Variants in SLC41A2 observed in about 807,000 individuals in gnomAD.
The protein encoded by SLC41A2 is SLC41A1-like 1.
SLC41A2 carries 32 observed loss-of-function variants against 58.3 expected under a neutral mutation model. That is an observed-to-expected ratio of 0.55 (90% CI 0.41 to 0.74). SLC41A2 has a LOEUF of 0.74. Among genes scored for constraint, SLC41A2 ranks in the 30% least tolerant of loss-of-function variants. The pLI is 0.00. For missense variants in SLC41A2, 514 were observed against 680.6 expected, an observed-to-expected ratio of 0.76 and a Z score of 2.72; for synonymous variants, 190 against 235.0, an observed-to-expected ratio of 0.81 and a Z score of 1.75.
intron 2 of SLC41A2, among the ~76,000 whole-genome samples, chr12:104,924,479 T>C (rs1470280364): frequency 2.0e-5 from 3 of 152,160 alleles, no homozygotes; most frequent in Non-Finnish European, 4.4e-5. Context: ...GTGTGGTGGC[T>C]CACGCCTGTA....
chr12:104,820,258 T>C (rs1161826482), intron 10 of SLC41A2, among the ~76,000 whole-genome samples: 2 of 152,144 alleles, frequency 1.3e-5, no homozygotes, highest in Non-Finnish European at 2.9e-5. Context: ...TTGAAACCAG[T>C]AGTTTGAGAC....
intron 8 of SLC41A2, among the ~76,000 whole-genome samples, chr12:104,847,473 C>T (rs146064483): frequency 0.013 from 1,911 of 151,738 alleles, 51 homozygotes; most frequent in African/African-American, 0.044. Flanking sequence ...GGTGTGGTGG[C>T]GCGTGCCTGT....
chr12:104,855,123 T>C (rs986287928), intron 8 of SLC41A2, among the ~76,000 whole-genome samples: 10 of 152,202 alleles, frequency 6.6e-5, no homozygotes, highest in Non-Finnish European at 1.3e-4. Flanking sequence ...GACTTCTAAG[T>C]GTCATTCTAA....
chr12:104,926,208 A>G (rs1222536751), intron 2 of SLC41A2, among the ~76,000 whole-genome samples: 4 of 152,236 alleles, frequency 2.6e-5, no homozygotes, highest in Non-Finnish European at 5.9e-5. Flanking sequence ...TATGACTGAT[A>G]AACAAAAACT....
intron 8 of SLC41A2, among the ~76,000 whole-genome samples, chr12:104,855,557 T>C (rs1344544031): frequency 3.3e-5 from 5 of 152,240 alleles, no homozygotes; most frequent in Non-Finnish European, 5.9e-5. Context: ...GACATGTAAT[T>C]AATCCATTTT....
chr12:104,954,272 A>G (rs568933384), intron 1 of SLC41A2, among the ~76,000 whole-genome samples: 35 of 152,350 alleles, frequency 2.3e-4, no homozygotes, highest in African/African-American at 8.4e-4. Context: ...ATTAAAATAG[A>G]ATAACTGACA....
intron 1 of SLC41A2, among the ~76,000 whole-genome samples, chr12:104,943,152 AG>A (rs1369122651): frequency 1.3e-5 from 2 of 152,238 alleles, no homozygotes; most frequent in Non-Finnish European, 2.9e-5. Context: ...AAAGTTTAAA[AG>A]GAAAAAAAGC....
intron 8 of SLC41A2, among the ~76,000 whole-genome samples, chr12:104,859,742 A>AT (rs945207324): frequency 4.6e-5 from 7 of 151,634 alleles, no homozygotes; most frequent in Non-Finnish European, 1.0e-4. Flanking sequence ...ACATATATAC[A>AT]TTTTTTTTGA....
intron 5 of SLC41A2, among the ~76,000 whole-genome samples, chr12:104,887,299 T>C (rs2044718509): frequency 6.6e-6 from 1 of 151,944 alleles, no homozygotes. Flanking sequence ...AAAATGACTC[T>C]AAATGTTTTT....
intron 10 of SLC41A2, among the ~76,000 whole-genome samples, chr12:104,843,061 A>G (rs1251634324): frequency 2.0e-5 from 3 of 152,108 alleles, no homozygotes; most frequent in Non-Finnish European, 4.4e-5. Flanking sequence ...CAATAAAAGT[A>G]GCAATTTGCT....
chr12:104,900,477 C>T (rs2045505223), intron 3 of SLC41A2, among the ~76,000 whole-genome samples: 1 of 152,124 alleles, frequency 6.6e-6, no homozygotes, highest in Non-Finnish European at 1.5e-5. Flanking sequence ...TATTATATAT[C>T]TAAACTCAGC....
intron 4 of SLC41A2, among the ~76,000 whole-genome samples, chr12:104,891,250 G>T (rs2044950465): frequency 6.6e-6 from 1 of 152,018 alleles, no homozygotes; most frequent in Admixed American, 6.6e-5. Flanking sequence ...CACAGGCTTT[G>T]GGCTATGGCA....
chr12:104,940,707 C>T (rs1281090451), intron 1 of SLC41A2, among the ~76,000 whole-genome samples: 2 of 151,368 alleles, frequency 1.3e-5, no homozygotes, highest in East Asian at 1.9e-4. Flanking sequence ...CACCTGAGGT[C>T]AGGAGTTTGA....
At chr12:104,850,281 C>A (rs962725564) in intron 8 of SLC41A2, among the ~76,000 whole-genome samples, 14 of 152,086 alleles carry the variant, frequency 9.2e-5, no homozygotes, top group African/African-American at 2.9e-4. Flanking sequence ...ATTATTAATT[C>A]TTTGCTTAAT....
chr12:104,942,894 CT>C (rs1195018882), intron 1 of SLC41A2, among the ~76,000 whole-genome samples: 1 of 152,106 alleles, frequency 6.6e-6, no homozygotes, highest in East Asian at 1.9e-4. Flanking sequence ...TCTGAAATAG[CT>C]AAATTTAGAA....
intron 2 of SLC41A2, among the ~76,000 whole-genome samples, chr12:104,910,869 C>T (rs772450867): frequency 2.0e-5 from 3 of 152,202 alleles, no homozygotes; most frequent in Non-Finnish European, 2.9e-5. Context: ...AATCTACATT[C>T]TGTAGCAAAA....
Position 104,859,259 on chromosome 12 carries a change from G to A in SLC41A2, c.1255+2032C>T, listed in dbSNP as rs150409156. 5.6e-3 allele frequency among the ~76,000 whole-genome samples: 857 copies of A among 152,084 alleles called. 6 individuals are homozygous for A. The highest frequency in any genetic ancestry group is 7.2e-3 in the Non-Finnish European group (490 of 67,980). The stretch of plus-strand genomic sequence containing the variant: ...AATTCAAATTTGATCTGATAGGCAG[G>A]GAAAAAAACCACTGTTAAATTCATC... On this transcript the variant is annotated intron_variant, in intron 8 of 10. Coordinates refer to ENST00000258538, the MANE Select transcript of SLC41A2 (RefSeq NM_001352171.3).
At chr12:104,860,868 C>T (rs554364352) in intron 8 of SLC41A2, among the ~76,000 whole-genome samples, 2 of 152,202 alleles carry the variant, frequency 1.3e-5, no homozygotes, top group East Asian at 1.9e-4. Context: ...AGCCACTGTG[C>T]CCACCCCAGA....
chr12:104,941,564 G>A (rs149061449), intron 1 of SLC41A2, among the ~76,000 whole-genome samples: 54 of 152,260 alleles, frequency 3.5e-4, no homozygotes, highest in Admixed American at 3.5e-3. Flanking sequence ...TCAAAAGCAA[G>A]CCAATGAATC....
Sources: allele counts gnomAD v4.1 joint callset (sites outside exome capture counted in the v4.1 genomes callset), GRCh38; gene constraint gnomAD v4.1.1; transcripts MANE v1.5; gene names NCBI Gene and HGNC (gene_info 2026-07-23, HGNC 2026-07-21).